XRRA1: variants seen among roughly 807,000 people sequenced by gnomAD.
XRRA1 encodes X-ray radiation resistance associated 1, also known as X-ray radiation resistance-associated protein 1.
Under a neutral mutation model 80.2 loss-of-function variants are expected in XRRA1, and 69 were observed. The observed-to-expected ratio is 0.86, with a 90% CI of 0.71 to 1.05. The LOEUF is 1.05. Among genes scored for constraint, XRRA1 ranks in the 50% least tolerant of loss-of-function variants. XRRA1 has a pLI of 0.00. For missense variants in XRRA1, 967 were observed against 976.4 expected (o/e 0.99, Z 0.13); for synonymous variants, 348 against 389.9 (o/e 0.89, Z 1.27).
rs909412990 is a variant in XRRA1 at position 74,930,311 on chromosome 11, A to C, written c.413T>G (p.Leu138Arg). ...AAGAAAAAGCTTACCTAGAGGCAGC[A>C]GGTTTTCTGAGGCATTGATATAAAT... ...SVIYINASEN[L>R]LPLEAFHTFP... Residue 138 changes from leucine (L) to arginine (R), a missense_variant, in exon 6 of 19, where the codon CTG (leucine) becomes CGG (arginine). By Grantham distance (102) the Leu-to-Arg change is moderately radical (BLOSUM62 -2). Transcript: ENST00000684022. The C allele has an allele frequency of 1.9e-6, 3 of 1,569,028 alleles. No homozygotes were observed. The African/African-American group carries it at 4.1e-5, about 21-fold the overall frequency.
intron 13 of XRRA1, 60 bp from the exon 14 acceptor site, chr11:74,851,263 A>G: frequency 4.6e-6 from 6 of 1,299,482 alleles, no homozygotes; most frequent in South Asian, 1.4e-5. Context: ...GGGGCTTACT[A>G]TGTGCCAGGC....
chr11:74,847,111 T>C (rs185258108), intron 15 of XRRA1, among the ~76,000 whole-genome samples: 1,858 of 152,278 alleles, frequency 0.012, 17 homozygotes, highest in Non-Finnish European at 0.02. Context: ...CATCTAACTC[T>C]CTCAAATTGT....
At chr11:74,910,652 A>G (rs1180827245) in intron 8 of XRRA1, 1 of 152,160 alleles carries the variant, frequency 6.6e-6, no homozygotes. Context: ...TATCTTTAGG[A>G]TAGTGGGAAC....
intron 1 of XRRA1, among the ~76,000 whole-genome samples, chr11:74,948,004 C>G (rs1243598130): frequency 6.6e-6 from 1 of 152,162 alleles, no homozygotes; most frequent in Non-Finnish European, 1.5e-5. Flanking sequence ...TGAGCCCCCA[C>G]GCCCGGCCGA....
In XRRA1 at chr11:74,843,129, T is replaced by G. The variant is rs1469610316; in HGVS notation, c.*71A>C. 3 of 1,486,086 alleles carry G rather than the reference T, an allele frequency of 2.0e-6. No individual in the cohort carries two copies. In the Admixed American group the frequency reaches 6.2e-5, roughly 31 times the overall value. 92.1% of individuals were successfully genotyped at this position (1,486,086 alleles called of 1,614,324 possible). A position where few individuals can be genotyped will look rare whatever the true frequency, so the allele number is the denominator to read the frequency against. On this transcript the variant is annotated 3_prime_UTR_variant, in exon 19 of 19. Transcript: ENST00000684022. ...CCGGCTGGTCAACCTTGAGGTGCGGTCCAGGGCACAGAGCCCTCGGGGAGA... is the reference window on the plus strand; with the variant it reads ...CCGGCTGGTCAACCTTGAGGTGCGGGCCAGGGCACAGAGCCCTCGGGGAGA...
chr11:74,891,891 A>G (rs1364965415), intron 10 of XRRA1, among the ~76,000 whole-genome samples: 2 of 152,216 alleles, frequency 1.3e-5, no homozygotes, highest in Non-Finnish European at 2.9e-5. Context: ...ACCACTGCTC[A>G]ATGAAATAAA....
At chr11:74,883,975 A>T (rs762826104) in intron 10 of XRRA1, among the ~76,000 whole-genome samples, 1 of 152,156 alleles carries the variant, frequency 6.6e-6, no homozygotes, top group African/African-American at 2.4e-5. Context: ...AGGCAGGCAG[A>T]TCATTTGAGG....
intron 3 of XRRA1, 136 bp from the exon 4 acceptor site, chr11:74,937,204 TG>T (rs1464763604): frequency 5.5e-6 from 5 of 905,494 alleles, no homozygotes; most frequent in Non-Finnish European, 8.1e-6. Context: ...ATACTGCAGC[TG>T]GGGGTAGGGG....
At chr11:74,846,200 C>G (rs773281479) in intron 15 of XRRA1, 1 of 151,826 alleles carries the variant, frequency 6.6e-6, no homozygotes, top group Admixed American at 6.5e-5. Flanking sequence ...ATAGTGAGAC[C>G]CCACCATGTA....
intron 16 of XRRA1, 31 bp downstream of exon 16, chr11:74,845,042 T>G (rs753418606): frequency 6.2e-7 from 1 of 1,607,994 alleles, no homozygotes; most frequent in Admixed American, 1.7e-5. Flanking sequence ...GATGGCCTCT[T>G]GCCCTAGAGC....
chr11:74,906,199 C>T, intron 10 of XRRA1, 40 bp downstream of exon 10: 1 of 1,580,686 alleles, frequency 6.3e-7, no homozygotes, highest in South Asian at 1.1e-5. Flanking sequence ...TGTATTTCCA[C>T]CATGAGGGTA....
At chr11:74,849,884 G>C (rs948642405) in intron 14 of XRRA1, among the ~76,000 whole-genome samples, 1 of 152,150 alleles carries the variant, frequency 6.6e-6, no homozygotes, top group Non-Finnish European at 1.5e-5. Context: ...TGTGAGGGGA[G>C]GGACTGCAGC....
At chr11:74,891,503 A>G (rs2050692388) in intron 10 of XRRA1, among the ~76,000 whole-genome samples, 1 of 152,228 alleles carries the variant, frequency 6.6e-6, no homozygotes, top group African/African-American at 2.4e-5. Context: ...CAAGACAGGG[A>G]AGCCCTCTCT....
rs780047012 is a variant in XRRA1, at chr11:74,859,211, T to A, written c.1117A>T (p.Thr373Ser). 1 of 1,610,024 alleles carries A rather than the reference T, an allele frequency of 6.2e-7. No individual in the cohort carries two copies. The highest frequency in any genetic ancestry group is 1.1e-5 in the South Asian group (1 of 90,116). ...AGCTCTGGGAAGGGTGGGGCCAGCG[T>A]CTGGTTCCTGGCCTTCAGTGACTTC... ...PVKSLKARNQ[T>S]LAPPFPELRY... The change falls in exon 12 of 19, where the codon ACG becomes TCG. Residue 373 changes from threonine to serine, a missense_variant. Coordinates refer to ENST00000684022, the MANE Select transcript of XRRA1 (RefSeq NM_001378157.1).
chr11:74,904,054 TAAGTTATAC>T (rs1449619414), intron 10 of XRRA1, among the ~76,000 whole-genome samples: 11 of 152,182 alleles, frequency 7.2e-5, no homozygotes, highest in African/African-American at 2.7e-4. Flanking sequence ...TCTCTGCTCC[TAAGTTATAC>T]ATATGTACAC....
intron 1 of XRRA1, among the ~76,000 whole-genome samples, 192 bp from the exon 2 acceptor site, chr11:74,945,277 G>T (rs1344245830): frequency 6.6e-6 from 1 of 152,196 alleles, no homozygotes; most frequent in African/African-American, 2.4e-5. Flanking sequence ...ACATAGATGG[G>T]AAGGTGGTAT....
chr11:74,906,977 G>A (rs2054738927), intron 9 of XRRA1, 168 bp downstream of exon 9: 2 of 836,598 alleles, frequency 2.4e-6, no homozygotes, highest in Non-Finnish European at 3.6e-6. Context: ...TTTTTATGGA[G>A]GAGCCAAAGC....
chr11:74,931,298 A>G (rs530328705), intron 5 of XRRA1, among the ~76,000 whole-genome samples: 2 of 151,690 alleles, frequency 1.3e-5, no homozygotes, highest in African/African-American at 4.8e-5. Flanking sequence ...TGAAATTTAC[A>G]TATGTTGACA....
chr11:74,878,939 C>T (rs922165048), intron 10 of XRRA1, among the ~76,000 whole-genome samples: 47 of 151,622 alleles, frequency 3.1e-4, no homozygotes, highest in Admixed American at 2.3e-3. Flanking sequence ...ATTGACTTGG[C>T]GATGTGGGTT....
Sources: allele counts gnomAD v4.1 joint callset (sites outside exome capture counted in the v4.1 genomes callset), GRCh38; gene constraint gnomAD v4.1.1; transcripts MANE v1.5; gene names NCBI Gene and HGNC (gene_info 2026-07-23, HGNC 2026-07-21).